The following NAV1 variants were observed in gnomAD, a reference collection of about 807,000 sequenced individuals.
NAV1 encodes pore membrane and/or filament interacting like protein 3.
NAV1 carries 18 observed loss-of-function variants against 175.2 expected under a neutral mutation model. The observed-to-expected ratio is 0.10, with a 90% confidence interval of 0.07 to 0.15. The LOEUF (loss-of-function observed/expected upper bound fraction) is 0.15. NAV1 is among the 10% of genes least tolerant of loss of function. The pLI is 1.00. For synonymous variants in NAV1, 897 were observed against 978.7 expected (o/e 0.92, Z 1.56); for missense variants, 1,731 against 2,436.6 (o/e 0.71, Z 6.10).
intron 3 of NAV1, among the ~76,000 whole-genome samples, chr1:201,731,188 CAG>C (rs79951681): frequency 0.13 from 19,945 of 151,774 alleles, 1,608 homozygotes; most frequent in African/African-American, 0.23. Context: ...GGTAGAAAAA[CAG>C]AGTCAGCACG....
At chr1:201,789,604 T>C (rs1460892392) in intron 10 of NAV1, 136 bp from the exon 15 acceptor site, 1 of 773,028 alleles carries the variant, frequency 1.3e-6, no homozygotes, top group Admixed American at 2.0e-5. Flanking sequence ...ACCAGCTGGG[T>C]TCCCTACTCT....
At chr1:201,741,919 G>A (rs1558116920) in intron 3 of NAV1, among the ~76,000 whole-genome samples, 1 of 152,212 alleles carries the variant, frequency 6.6e-6, no homozygotes, top group Non-Finnish European at 1.5e-5. Context: ...CTTCTGGGCA[G>A]GTGTGCCAGG....
chr1:201,696,537 T>A (rs892490273), intron 1 of NAV1, among the ~76,000 whole-genome samples: 1 of 151,872 alleles, frequency 6.6e-6, no homozygotes, highest in Non-Finnish European at 1.5e-5. Context: ...GTCTTGGAGG[T>A]GGAGAAATGC....
chr1:201,551,439 G>A (rs1267169863), intron 1 of NAV1, among the ~76,000 whole-genome samples: 1 of 152,072 alleles, frequency 6.6e-6, no homozygotes, highest in Non-Finnish European at 1.5e-5. Flanking sequence ...ATGTTGCCCA[G>A]GCTGGTCTGG....
chr1:201,707,634 G>A (rs1052854819), intron 1 of NAV1, among the ~76,000 whole-genome samples: 14 of 152,318 alleles, frequency 9.2e-5, no homozygotes, highest in African/African-American at 3.4e-4. Context: ...CCCTCCTGGG[G>A]AAGCCTGTTT....
At chr1:201,771,026 G>T (rs955007659) in intron 3 of NAV1, among the ~76,000 whole-genome samples, 4 of 152,128 alleles carry the variant, frequency 2.6e-5, no homozygotes, top group African/African-American at 9.7e-5. Flanking sequence ...CACCAAGAGT[G>T]CAGAGAACTC....
At chr1:201,631,846 T>C (rs1648816917) in intron 2 of NAV1, among the ~76,000 whole-genome samples, 1 of 152,236 alleles carries the variant, frequency 6.6e-6, no homozygotes, top group Non-Finnish European at 1.5e-5. Flanking sequence ...GGGGGCTTTT[T>C]TTTGAAGCTC....
Position 201,739,715 on chromosome 1 carries a change from G to A in NAV1, c.1226+20960G>A, listed in dbSNP as rs1673279873. The A allele has an allele frequency of 2.8e-6, 3 of 1,074,370 alleles. No homozygotes were observed. The East Asian group carries it at 1.4e-4, about 51-fold the overall frequency. The allele number at this position is 1,074,370 out of a possible 1,614,324, so 66.6% of individuals were successfully genotyped here. ...CTTCCGAGGCCACCGGAACGGAGGA[G>A]GCTTCGGTGGCTCTTTGTCTACCTG... is the stretch of plus-strand genomic sequence containing the variant. On this transcript the variant is annotated intron_variant, in intron 3 of 29. Transcript: ENST00000367296.
At chr1:201,731,586 G>C (rs933204159) in intron 3 of NAV1, among the ~76,000 whole-genome samples, 9 of 152,154 alleles carry the variant, frequency 5.9e-5, no homozygotes, top group Non-Finnish European at 1.0e-4. Context: ...CAGGAACAAA[G>C]CTCTGACCTA....
chr1:201,809,617 C>T lies in NAV1; in HGVS notation c.4401+80C>T, dbSNP rs1001220958. The T allele has an allele frequency of 1.2e-5, 16 of 1,354,908 alleles. No homozygotes were observed. The African/African-American group carries it at 2.2e-4, about 18-fold the overall frequency. The allele number at this position is 1,354,908 out of a possible 1,614,324, so 83.9% of individuals were successfully genotyped here. A position where few individuals can be genotyped will look rare whatever the true frequency, so the allele number is the denominator to read the frequency against. ...ACTTTTTTAGAGACAGGGTCTCACT[C>T]TTGCCACCCAGGCTGGAGGGCAGTG... is the stretch of plus-strand genomic sequence containing the variant. On this transcript the variant is annotated intron_variant, in intron 22 of 29. Transcript: ENST00000367296.
chr1:201,773,977 AT>A (rs1467439418), intron 3 of NAV1, among the ~76,000 whole-genome samples: 6 of 152,212 alleles, frequency 3.9e-5, no homozygotes, highest in African/African-American at 1.4e-4. Context: ...CTCGCCCCAA[AT>A]AAAAACTTTT....
chr1:201,727,210 C>T (rs1262368550), intron 3 of NAV1, among the ~76,000 whole-genome samples: 2 of 152,168 alleles, frequency 1.3e-5, no homozygotes, highest in East Asian at 3.8e-4. Flanking sequence ...TGATGATAGA[C>T]ATTAGCAAGC....
rs1168879539 is a variant in NAV1 at position 201,718,987 on chromosome 1, A to T, written c.1226+232A>T. Among the ~76,000 whole-genome samples, 3 of 151,930 alleles carry T rather than the reference A, an allele frequency of 2.0e-5. No individual in the cohort carries two copies. The highest frequency in any genetic ancestry group is 4.4e-5 in the Non-Finnish European group (3 of 67,968). On this transcript the variant is annotated intron_variant, in intron 3 of 29. Coordinates refer to ENST00000367296, the Ensembl canonical transcript of NAV1. This position sits in a 1 kb window ranked among gnomAD's most constrained non-coding sequence, Gnocchi z 4.8. ...CTACATCCAAGGAGCTGATTGGTCA[A>T]TGAAGGCGCCTCCCTCTCATTGGTC...
intron 2 of NAV1, among the ~76,000 whole-genome samples, chr1:201,611,251 C>A (rs1667837117): frequency 6.6e-6 from 1 of 152,194 alleles, no homozygotes; most frequent in African/African-American, 2.4e-5. Flanking sequence ...TGGCCCCCAG[C>A]TGGTTTGCTG....
At chr1:201,576,808 T>C (rs1484278530) in intron 1 of NAV1, among the ~76,000 whole-genome samples, 1 of 152,260 alleles carries the variant, frequency 6.6e-6, no homozygotes, top group African/African-American at 2.4e-5. Context: ...TTGTCATTGC[T>C]TTAAAATTGT....
chr1:201,611,792 G>C (rs1314639504), intron 2 of NAV1, among the ~76,000 whole-genome samples: 1 of 152,184 alleles, frequency 6.6e-6, no homozygotes, highest in African/African-American at 2.4e-5. Context: ...GCGAGGATCG[G>C]AGGACACAGA....
chr1:201,722,360 T>C (rs1672421722), intron 3 of NAV1, among the ~76,000 whole-genome samples: 2 of 150,986 alleles, frequency 1.3e-5, no homozygotes, highest in African/African-American at 5.0e-5. Context: ...ACAGTCTTTG[T>C]TGTTGTTGTT....
chr1:201,629,801 G>A (rs1304062689), intron 2 of NAV1, among the ~76,000 whole-genome samples: 7 of 152,276 alleles, frequency 4.6e-5, no homozygotes, highest in Admixed American at 1.3e-4. Context: ...AACAAGCTGG[G>A]AGTGAGAGCC....
rs955523732 is a variant in NAV1, at chr1:201,729,903, T to TA, written c.1226+11158dup. 5.3e-4 allele frequency among the ~76,000 whole-genome samples: 80 copies of TA among 150,142 alleles called. 1 individual carries two copies. Among genetic ancestry groups the TA allele is most frequent in the African/African-American group, 1.4e-3 (57 of 40,902 alleles). On this transcript the variant is annotated intron_variant, in intron 3 of 29. Coordinates refer to ENST00000367296, the Ensembl canonical transcript of NAV1. ...CCTGGGCGACAGAGCAAAACTGTCTTAAAAAAAAAATAAAAGAATAAAAAT... is the reference window on the plus strand; with the variant it reads ...CCTGGGCGACAGAGCAAAACTGTCTTAAAAAAAAAAATAAAAGAATAAAAAT...
Sources: allele counts gnomAD v4.1 joint callset (sites outside exome capture counted in the v4.1 genomes callset), GRCh38; gene constraint gnomAD v4.1.1; non-coding constraint Gnocchi (gnomAD v3.1); transcripts MANE v1.5; gene names NCBI Gene and HGNC (gene_info 2026-07-23, HGNC 2026-07-21).